The following TRIM67 variants were observed in gnomAD, a reference collection of about 807,000 sequenced individuals.
TRIM67 encodes tripartite motif containing 67, also known as tripartite motif-containing protein 67.
Under a neutral mutation model 71.0 loss-of-function variants are expected in TRIM67, and 39 were observed. That is an observed-to-expected ratio of 0.55 (90% CI 0.43 to 0.72). The LOEUF is 0.72. Among genes scored for constraint, TRIM67 ranks in the 30% least tolerant of loss-of-function variants. The pLI is 0.00. For synonymous variants in TRIM67, 481 were observed against 473.9 expected (o/e 1.01, Z -0.19); for missense variants, 973 against 1,079.2 (o/e 0.90, Z 1.38).
chr1:231,215,416 G>A lies in TRIM67; in HGVS notation c.2328G>A (p.Gly776=). 6.2e-7 allele frequency: 1 copy of A among 1,611,650 alleles called. No homozygotes were observed. The highest frequency in any genetic ancestry group is 8.5e-7 in the Non-Finnish European group (1 of 1,178,536). ...HTGLEVPTNL[G]RPKLSGN is the part of the protein sequence containing the mutation. ...GATTGGAAGTGCCGACTAACCTGGG[G>A]CGGCCAAAGCTGTCAGGCAATTAGC... The change falls in exon 10 of 10, where the codon GGG becomes GGA. Residue 776 remains glycine, a synonymous_variant. Coordinates refer to ENST00000366653, the MANE Select transcript of TRIM67 (RefSeq NM_001004342.5).
chr1:231,170,532 G>T (rs1682595734), intron 1 of TRIM67, among the ~76,000 whole-genome samples: 1 of 152,118 alleles, frequency 6.6e-6, no homozygotes, highest in African/African-American at 2.4e-5. Flanking sequence ...TGTCGTTAAG[G>T]TATTGTTATA....
At chr1:231,210,153 C>T (rs965097561) in intron 8 of TRIM67, among the ~76,000 whole-genome samples, 1 of 152,196 alleles carries the variant, frequency 6.6e-6, no homozygotes, top group African/African-American at 2.4e-5. Context: ...CTGAAGCCAC[C>T]TCCTTGCTAT....
intron 1 of TRIM67, among the ~76,000 whole-genome samples, chr1:231,190,273 T>C (rs1439479545): frequency 1.3e-5 from 2 of 152,182 alleles, no homozygotes; most frequent in Non-Finnish European, 2.9e-5. Flanking sequence ...GTAGGGGTTC[T>C]GAGAATTGGA....
At position 231,219,550 on chromosome 1, in the gene TRIM67, A is replaced by G. The variant is rs1684091480; in HGVS notation, c.*4110A>G. The G allele has an allele frequency of 1.8e-6, 2 of 1,087,274 alleles. No individual in the cohort carries two copies. The highest frequency in any genetic ancestry group is 2.2e-6 in the Non-Finnish European group (2 of 890,922). 67.4% of individuals were successfully genotyped at this position (1,087,274 alleles called of 1,614,324 possible). A position where few individuals can be genotyped will look rare whatever the true frequency, so the allele number is the denominator to read the frequency against. On this transcript the variant is annotated 3_prime_UTR_variant, in exon 10 of 10. Transcript: ENST00000366653. ...GGTGAGCCACCTCCAACAGATGCCA[A>G]CCTGTTGGGTCTTGAATTTTCACTC...
rs186318039 is a variant in TRIM67 at position 231,164,067 on chromosome 1, A to G, written c.1044+54A>G. On this transcript the variant is annotated intron_variant, in intron 1 of 9. Coordinates refer to ENST00000366653, the MANE Select transcript of TRIM67 (RefSeq NM_001004342.5). ...TGCCAGGGAAGAGGGTACGAGGAGA[A>G]AGGCTTTTGGCCTCTCCCTTGGAGA... 72 of 1,417,414 alleles carry G rather than the reference A, an allele frequency of 5.1e-5. 1 individual carries two copies. The South Asian group carries it at 1.0e-3, about 20-fold the overall frequency. The allele number at this position is 1,417,414 out of a possible 1,614,324, so 87.8% of individuals were successfully genotyped here. A position where few individuals can be genotyped will look rare whatever the true frequency, so the allele number is the denominator to read the frequency against.
intron 1 of TRIM67, among the ~76,000 whole-genome samples, chr1:231,166,914 T>C (rs577396111): frequency 1.3e-5 from 2 of 152,280 alleles, no homozygotes; most frequent in African/African-American, 4.8e-5. Flanking sequence ...GGAGAGCTTT[T>C]GGTTGTTTGC....
intron 1 of TRIM67, among the ~76,000 whole-genome samples, chr1:231,170,988 T>A (rs1030929128): frequency 2.0e-5 from 3 of 152,222 alleles, no homozygotes; most frequent in African/African-American, 7.2e-5. Context: ...CTCAAACAGT[T>A]CTGCTGACTC....
At chr1:231,184,400 A>AG (rs1413199127) in intron 1 of TRIM67, 2 of 152,442 alleles carry the variant, frequency 1.3e-5, no homozygotes, top group African/African-American at 4.9e-5. Context: ...ACAGCTAAGA[A>AG]GGCCCCAACA....
intron 1 of TRIM67, among the ~76,000 whole-genome samples, chr1:231,175,565 C>T (rs997783727): frequency 1.3e-5 from 2 of 152,222 alleles, no homozygotes; most frequent in South Asian, 2.1e-4. Flanking sequence ...TCATGACACC[C>T]GCACACGCAG....
At chr1:231,205,365 A>AT (rs369651577) in intron 6 of TRIM67, among the ~76,000 whole-genome samples, 2 of 152,364 alleles carry the variant, frequency 1.3e-5, no homozygotes, top group African/African-American at 4.8e-5. Flanking sequence ...AAGGCTATGC[A>AT]TTTGGGGGGT....
intron 1 of TRIM67, among the ~76,000 whole-genome samples, chr1:231,167,317 G>GTTTTTTTTTTTTTTTTTTTTTT (rs1340006817): frequency 1.0e-4 from 7 of 66,758 alleles, no homozygotes; most frequent in Admixed American, 1.5e-4. Context: ...TCACTCTAAT[G>GTTTTTTTTTTTTTTTTTTTTTT]TCTTTTTTTT....
intron 1 of TRIM67, among the ~76,000 whole-genome samples, chr1:231,172,702 T>A (rs541319154): frequency 6.6e-6 from 1 of 152,270 alleles, no homozygotes; most frequent in African/African-American, 2.4e-5. Context: ...TTGTAAAAAA[T>A]TAGGTCAAGG....
chr1:231,216,936 A>AT lies in TRIM67; in HGVS notation c.*1500dup. 1 of 985,642 alleles carries AT rather than the reference A, an allele frequency of 1.0e-6. No individual in the cohort carries two copies. The highest frequency in any genetic ancestry group is 1.2e-6 in the Non-Finnish European group (1 of 829,934). 61.1% of individuals were successfully genotyped at this position (985,642 alleles called of 1,614,324 possible). On this transcript the variant is annotated 3_prime_UTR_variant, in exon 10 of 10. Transcript: ENST00000366653. ...TTCTCTCTCCTTTTAAAAAGAATAT[A>AT]TTTTGTCAAGCATTTTATTTCTGAG...
At chr1:231,186,281 T>A in intron 1 of TRIM67, 1 of 949,804 alleles carries the variant, frequency 1.1e-6, no homozygotes, top group Non-Finnish European at 1.6e-6. Context: ...AGCACATCTC[T>A]AGTTGGAACA....
rs3049035 is a variant in TRIM67 at position 231,193,503 on chromosome 1, G to GCTCTCTCTCTCTCTCTCTCT, written c.1045-3840_1045-3821dup. On this transcript the variant is annotated intron_variant, in intron 1 of 9. Transcript: ENST00000366653. ...AAGAGACACCTGAACTCTCTCTCAA[G>GCTCTCTCTCTCTCTCTCTCT]CTCTCTCTCTCTCTCTCTCTCTCTC... Among the ~76,000 whole-genome samples, 347 of 81,976 alleles carry GCTCTCTCTCTCTCTCTCTCT rather than the reference G, an allele frequency of 4.2e-3. 22 individuals are homozygous for GCTCTCTCTCTCTCTCTCTCT. The highest frequency in any genetic ancestry group is 4.6e-3 in the Non-Finnish European group (198 of 42,984). 53.8% of individuals were successfully genotyped at this position (81,976 alleles called of 152,430 possible). A position where few individuals can be genotyped will look rare whatever the true frequency, so the allele number is the denominator to read the frequency against.
intron 8 of TRIM67, among the ~76,000 whole-genome samples, chr1:231,211,591 A>C (rs1459324836): frequency 6.6e-6 from 1 of 152,144 alleles, no homozygotes; most frequent in Non-Finnish European, 1.5e-5. Flanking sequence ...CCTCGGGGGA[A>C]ACCCTGCCTT....
intron 7 of TRIM67, 91 bp downstream of exon 7, chr1:231,206,881 G>A: frequency 7.2e-7 from 1 of 1,387,336 alleles, no homozygotes; most frequent in African/African-American, 1.5e-5. Context: ...ATGATGATGG[G>A]GTAGGGGTGG....
intron 1 of TRIM67, among the ~76,000 whole-genome samples, chr1:231,180,870 C>G (rs1432149915): frequency 1.3e-5 from 2 of 152,144 alleles, no homozygotes; most frequent in East Asian, 3.9e-4. Context: ...ACTTCTTGTC[C>G]TATCACTCTA....
At chr1:231,169,504 A>G (rs561783123) in intron 1 of TRIM67, among the ~76,000 whole-genome samples, 132 of 144,146 alleles carry the variant, frequency 9.2e-4, no homozygotes, top group African/African-American at 3.3e-3. Context: ...CTCAGCCTCC[A>G]AGTAGCTGAA....
Sources: allele counts gnomAD v4.1 joint callset (sites outside exome capture counted in the v4.1 genomes callset), GRCh38; gene constraint gnomAD v4.1.1; transcripts MANE v1.5; gene names NCBI Gene and HGNC (gene_info 2026-07-23, HGNC 2026-07-21).